MSH3: variants seen among roughly 807,000 people sequenced by gnomAD.
The protein encoded by MSH3 is DNA mismatch repair protein Msh3.
Under a neutral mutation model 123.3 loss-of-function variants are expected in MSH3, and 106 were observed. The ratio of observed to expected loss-of-function variants is 0.86; its 90% CI spans 0.73 to 1.01. MSH3 has a LOEUF of 1.01. Among genes scored for constraint, MSH3 ranks in the 50% least tolerant of loss-of-function variants. The pLI, the probability that MSH3 is intolerant of heterozygous loss-of-function variation, is 0.00. For synonymous variants in MSH3, 515 were observed against 481.4 expected (o/e 1.07, Z -0.91); for missense variants, 1,459 against 1,347.6 (o/e 1.08, Z -1.29).
intron 21 of MSH3, among the ~76,000 whole-genome samples, chr5:80,860,939 C>G (rs1746004584): frequency 6.6e-6 from 1 of 152,150 alleles, no homozygotes; most frequent in African/African-American, 2.4e-5. Context: ...TCAGCTGTGT[C>G]CAGTCTACCA....
At chr5:80,674,944 G>A in intron 6 of MSH3, 39 bp from the exon 7 acceptor site, 1 of 1,435,770 alleles carries the variant, frequency 7.0e-7, no homozygotes, top group South Asian at 1.2e-5. Context: ...TTAGGATTTA[G>A]AATTTAGCAT....
intron 8 of MSH3, among the ~76,000 whole-genome samples, chr5:80,683,441 G>A (rs980907608): frequency 6.6e-6 from 1 of 151,984 alleles, no homozygotes; most frequent in African/African-American, 2.4e-5. Context: ...GTTTTGATTT[G>A]GATTTCTGTA....
chr5:80,700,385 A>G (rs573369395), intron 8 of MSH3, among the ~76,000 whole-genome samples: 27 of 152,344 alleles, frequency 1.8e-4, no homozygotes, highest in African/African-American at 6.5e-4. Context: ...TTCTGGTAGT[A>G]GAGATGGTAG....
Position 80,689,361 on chromosome 5 carries a change from A to G in MSH3, c.1340+10268A>G, listed in dbSNP as rs370098409. Reference sequence around the variant, plus strand: ...CTTTGTGTTAGAATTTTCTTATTTAAATTTGTTAAATTATAATTTTAAAAT... The same window carrying G: ...CTTTGTGTTAGAATTTTCTTATTTAGATTTGTTAAATTATAATTTTAAAAT... On this transcript the variant is annotated intron_variant, in intron 8 of 23. Coordinates refer to ENST00000265081, the MANE Select transcript of MSH3 (RefSeq NM_002439.5). Among the ~76,000 whole-genome samples the G allele has an allele frequency of 4.6e-5, 7 of 152,286 alleles. No individual in the cohort carries two copies. The South Asian group carries it at 1.2e-3, about 27-fold the overall frequency.
intron 12 of MSH3, among the ~76,000 whole-genome samples, chr5:80,753,427 A>C (rs1170813309): frequency 6.6e-6 from 1 of 152,152 alleles, no homozygotes; most frequent in Non-Finnish European, 1.5e-5. Flanking sequence ...GAGTAGGTAG[A>C]GTCTTTTATG....
intron 17 of MSH3, 39 bp from the exon 18 acceptor site, chr5:80,787,526 A>G (rs1438763501): frequency 7.8e-7 from 1 of 1,283,196 alleles, no homozygotes; most frequent in South Asian, 1.2e-5. Context: ...TTAAGATATC[A>G]GTTTGCTCAC....
chr5:80,787,558 T>A lies in MSH3; in HGVS notation c.2436-7T>A, dbSNP rs1744530551. 1.2e-6 allele frequency: 2 copies of A among 1,602,762 alleles called. No homozygotes were observed. The highest frequency in any genetic ancestry group is 8.5e-7 in the Non-Finnish European group (1 of 1,169,758). ...TCACCTTTTTGTTGTTGCTGCTGCTTCCGTAGGAAATTCAGTGAACATTAT... is the reference window on the plus strand; with the variant it reads ...TCACCTTTTTGTTGTTGCTGCTGCTACCGTAGGAAATTCAGTGAACATTAT... On this transcript the variant is annotated splice_polypyrimidine_tract_variant and splice_region_variant and intron_variant, in intron 17 of 23. Transcript: ENST00000265081.
chr5:80,692,819 A>T (rs181602316), intron 8 of MSH3, among the ~76,000 whole-genome samples: 152 of 133,108 alleles, frequency 1.1e-3, no homozygotes, highest in Non-Finnish European at 1.6e-3. Flanking sequence ...TTAGATAAAT[A>T]TACATACACA....
intron 20 of MSH3, among the ~76,000 whole-genome samples, chr5:80,842,839 G>A (rs925162566): frequency 6.6e-6 from 1 of 152,130 alleles, no homozygotes; most frequent in African/African-American, 2.4e-5. Flanking sequence ...ATGCAATCAT[G>A]TCATCTGCAA....
chr5:80,786,133 A>T (rs1166742046), intron 17 of MSH3, among the ~76,000 whole-genome samples: 2 of 151,912 alleles, frequency 1.3e-5, no homozygotes, highest in Non-Finnish European at 2.9e-5. Context: ...CCTAAAACTT[A>T]AAGTATAATA....
At chr5:80,773,053 G>A (rs1034908031) in intron 15 of MSH3, among the ~76,000 whole-genome samples, 1 of 152,290 alleles carries the variant, frequency 6.6e-6, no homozygotes, top group African/African-American at 2.4e-5. Flanking sequence ...TTGAATAGTT[G>A]TGGTCCAAAC....
chr5:80,664,329 C>A (rs1222249324), intron 2 of MSH3, among the ~76,000 whole-genome samples: 1 of 152,104 alleles, frequency 6.6e-6, no homozygotes, highest in Non-Finnish European at 1.5e-5. Context: ...TCTTGGTAAA[C>A]CCCTGATGTC....
intron 13 of MSH3, among the ~76,000 whole-genome samples, chr5:80,763,205 C>T (rs1181035083): frequency 6.6e-6 from 1 of 152,144 alleles, no homozygotes; most frequent in Non-Finnish European, 1.5e-5. Flanking sequence ...ATTTTTCATC[C>T]CCTTTTACCC....
intron 20 of MSH3, among the ~76,000 whole-genome samples, chr5:80,844,576 G>T (rs984581313): frequency 2.0e-5 from 3 of 152,134 alleles, no homozygotes; most frequent in Non-Finnish European, 1.5e-5. Flanking sequence ...TATGAATCTG[G>T]ATGCTCCTGT....
chr5:80,818,482 A>G (rs1745146489), intron 20 of MSH3, among the ~76,000 whole-genome samples: 1 of 150,090 alleles, frequency 6.7e-6, no homozygotes, highest in African/African-American at 2.4e-5. Context: ...CCAGTCACCC[A>G]GTTCCAACAT....
intron 20 of MSH3, among the ~76,000 whole-genome samples, chr5:80,845,916 A>T (rs1198507322): frequency 1.3e-5 from 2 of 151,846 alleles, no homozygotes; most frequent in African/African-American, 4.8e-5. Flanking sequence ...AACTCATCAA[A>T]CTCATTCTCT....
chr5:80,818,882 TAA>T (rs998194777), intron 20 of MSH3, among the ~76,000 whole-genome samples: 1 of 152,242 alleles, frequency 6.6e-6, no homozygotes, highest in Non-Finnish European at 1.5e-5. Flanking sequence ...GATTTTTTTA[TAA>T]GTTTTTTTGT....
intron 16 of MSH3, among the ~76,000 whole-genome samples, chr5:80,777,963 A>G (rs534691841): frequency 6.6e-6 from 1 of 152,326 alleles, no homozygotes; most frequent in East Asian, 1.9e-4. Flanking sequence ...TGAGGTAGAT[A>G]TTATTATCCC....
At chr5:80,675,615 C>T (rs1749822987) in intron 7 of MSH3, among the ~76,000 whole-genome samples, 1 of 152,184 alleles carries the variant, frequency 6.6e-6, no homozygotes, top group Non-Finnish European at 1.5e-5. Flanking sequence ...AATCTAATCA[C>T]CTCCCACCAG....
Sources: gnomAD v4.1 joint callset for allele counts (sites outside exome capture counted in the v4.1 genomes callset) on GRCh38, gnomAD v4.1.1 for gene constraint, MANE v1.5 for transcripts, NCBI Gene and HGNC (gene_info 2026-07-23, HGNC 2026-07-21) for gene names.